Variants in SLC39A10 observed in about 807,000 individuals in gnomAD.
SLC39A10 encodes zinc transporter ZIP10.
In SLC39A10, 13 loss-of-function variants were observed where a neutral mutation model predicts 65.1. The observed-to-expected ratio is 0.20, with a 90% CI of 0.13 to 0.32. The LOEUF is 0.32. Among genes scored for constraint, SLC39A10 ranks in the 10% least tolerant of loss-of-function variants. The pLI, the probability that SLC39A10 is intolerant of heterozygous loss-of-function variation, is 1.00. For synonymous variants in SLC39A10, 321 were observed against 342.2 expected (o/e 0.94, Z 0.68); for missense variants, 831 against 1,018.4 (o/e 0.82, Z 2.50).
chr2:195,652,667 T>A (rs1443410248), upstream of SLC39A10, among the ~76,000 whole-genome samples: 2 of 83,598 alleles, frequency 2.4e-5, no homozygotes, highest in South Asian at 6.8e-4. Flanking sequence ...TAAATTGTGT[T>A]TCTTACCAGA....
rs1260951884 is a variant in SLC39A10, at chr2:195,736,667, A to G, written c.*1626A>G. ...CTGTATGCTATAAGCAAGGGAGCTT[A>G]GGTGTTATTTCTTTAATTTATGCTT... On this transcript the variant is annotated 3_prime_UTR_variant, in exon 10 of 10. Transcript: ENST00000359634. 1 of 151,780 alleles carries G rather than the reference A, an allele frequency of 6.6e-6. No individual in the cohort carries two copies. The highest frequency in any genetic ancestry group is 1.5e-5 in the Non-Finnish European group (1 of 67,800). The allele number at this position is 151,780 out of a possible 1,614,324, so 9.4% of individuals were successfully genotyped here. A position where few individuals can be genotyped will look rare whatever the true frequency, so the allele number is the denominator to read the frequency against.
upstream of SLC39A10, chr2:195,656,804 C>T (rs1017534215): frequency 2.6e-5 from 4 of 152,250 alleles, no homozygotes; most frequent in African/African-American, 7.2e-5. Context: ...TTCCATTACT[C>T]ATTCGCCTTG....
chr2:195,686,294 T>C (rs941933686), intron 3 of SLC39A10, among the ~76,000 whole-genome samples: 2 of 152,242 alleles, frequency 1.3e-5, no homozygotes, highest in Non-Finnish European at 2.9e-5. Flanking sequence ...TAAAGTCTTC[T>C]AGGCACCTAC....
chr2:195,619,145 T>C (rs566652579), intron 2 of SLC39A10, among the ~76,000 whole-genome samples: 1 of 147,932 alleles, frequency 6.8e-6, no homozygotes, highest in Non-Finnish European at 1.5e-5. Context: ...GAATAATGCA[T>C]TGAATGAGAG....
At chr2:195,703,206 GTATAA>G (rs1259483424) in intron 3 of SLC39A10, among the ~76,000 whole-genome samples, 1 of 152,178 alleles carries the variant, frequency 6.6e-6, no homozygotes, top group Non-Finnish European at 1.5e-5. Flanking sequence ...TTTTCTAGCA[GTATAA>G]TATGACAATA....
At chr2:195,619,225 A>G (rs1304027055) in intron 2 of SLC39A10, among the ~76,000 whole-genome samples, 1 of 152,016 alleles carries the variant, frequency 6.6e-6, no homozygotes, top group African/African-American at 2.4e-5. Flanking sequence ...GTAGTAGAGT[A>G]AAATAAAGGG....
intron 2 of SLC39A10, among the ~76,000 whole-genome samples, chr2:195,651,108 A>G (rs1689022244): frequency 6.6e-6 from 1 of 151,664 alleles, no homozygotes; most frequent in Non-Finnish European, 1.5e-5. Context: ...AGAAAGGAGT[A>G]TAAGGGGAGC....
Position 195,716,658 on chromosome 2 carries a change from C to G in SLC39A10, c.1718C>G (p.Ser573Cys). Residue 573 changes from serine (S) to cysteine (C), a missense_variant, in exon 7 of 10, where the codon TCT becomes TGT. Coordinates refer to ENST00000359634, the MANE Select transcript of SLC39A10 (RefSeq NM_020342.3). Reference protein sequence around the residue: ...PLAGTDDSVVSEDRLNETELT... With the variant: ...PLAGTDDSVVCEDRLNETELT... ...ACAGGAACTGATGACTCGGTTGTTT[C>G]TGAAGATCGACTTAATGAAACTGAA... 1 of 1,607,494 alleles carries G rather than the reference C, an allele frequency of 6.2e-7. No individual in the cohort carries two copies. Among genetic ancestry groups the G allele is most frequent in the Non-Finnish European group, 8.5e-7 (1 of 1,177,152 alleles).
In SLC39A10 at chr2:195,728,425, C is replaced by A; in HGVS notation, c.2337+76C>A. On this transcript the variant is annotated intron_variant, in intron 9 of 9. Transcript: ENST00000359634. This position sits in a 1 kb window ranked among gnomAD's most constrained non-coding sequence, Gnocchi z 4.4. Reference sequence around the variant, plus strand: ...TCCTTGGAAGTGGTTTGAAGCCAAACTATTTTTGAAAATATAACTCATTTT... The same window carrying A: ...TCCTTGGAAGTGGTTTGAAGCCAAAATATTTTTGAAAATATAACTCATTTT... The A allele has an allele frequency of 7.4e-7, 1 of 1,357,296 alleles. No individual in the cohort carries two copies. Among genetic ancestry groups the A allele is most frequent in the Non-Finnish European group, 1.0e-6 (1 of 989,228 alleles). The allele number at this position is 1,357,296 out of a possible 1,614,324, so 84.1% of individuals were successfully genotyped here.
intron 1 of SLC39A10, among the ~76,000 whole-genome samples, chr2:195,660,225 T>C (rs918545086): frequency 6.6e-6 from 1 of 152,184 alleles, no homozygotes; most frequent in South Asian, 2.1e-4. Flanking sequence ...TACCTCAGTA[T>C]TGGAAATGCC....
At chr2:195,663,488 A>G (rs1414046169) in intron 1 of SLC39A10, among the ~76,000 whole-genome samples, 2 of 152,220 alleles carry the variant, frequency 1.3e-5, no homozygotes, top group African/African-American at 2.4e-5. Context: ...AAATGAGATC[A>G]GTAAAACAAT....
chr2:195,671,366 G>A (rs1419458008), intron 1 of SLC39A10, among the ~76,000 whole-genome samples: 4 of 152,146 alleles, frequency 2.6e-5, no homozygotes, highest in African/African-American at 9.7e-5. Context: ...TTGTGGCACT[G>A]CTAGTTATTT....
chr2:195,617,620 G>A (rs1346943218), intron 2 of SLC39A10, among the ~76,000 whole-genome samples: 1 of 151,606 alleles, frequency 6.6e-6, no homozygotes, highest in Non-Finnish European at 1.5e-5. Flanking sequence ...CCTGTAAGTC[G>A]AGCACTTTGG....
At chr2:195,626,084 G>A (rs1028625391) in intron 2 of SLC39A10, among the ~76,000 whole-genome samples, 3 of 152,006 alleles carry the variant, frequency 2.0e-5, no homozygotes, top group African/African-American at 4.8e-5. Context: ...GTGCCTGGCC[G>A]GCCAAATTTT....
intron 3 of SLC39A10, among the ~76,000 whole-genome samples, chr2:195,698,051 G>A (rs954084879): frequency 9.3e-5 from 14 of 151,174 alleles, no homozygotes; most frequent in Non-Finnish European, 1.3e-4. Context: ...ACTGATTTTT[G>A]TGTTAACTTT....
chr2:195,695,812 TG>T (rs1438688129), intron 3 of SLC39A10, among the ~76,000 whole-genome samples: 1 of 152,234 alleles, frequency 6.6e-6, no homozygotes, highest in African/African-American at 2.4e-5. Context: ...TCTGTTTTTT[TG>T]TTTTTGCCTG....
In SLC39A10 at chr2:195,622,972, C is replaced by CAAA. The variant is rs11440347; in HGVS notation, c.-12+16759_-12+16761dup. On this transcript the variant is annotated intron_variant, in intron 2 of 2. Coordinates refer to the SLC39A10 transcript ENST00000458054. ...GGGTGACAGAGCGAGACTCCTGTCTCAAAAAAAAAAAAAAAAAAAAAAGAA... is the reference window on the plus strand; with the variant it reads ...GGGTGACAGAGCGAGACTCCTGTCTCAAAAAAAAAAAAAAAAAAAAAAAAAGAA... Among the ~76,000 whole-genome samples the CAAA allele has an allele frequency of 1.1e-3, 107 of 96,366 alleles. 1 individual carries two copies. Among genetic ancestry groups the CAAA allele is most frequent in the East Asian group, 1.8e-3 (7 of 3,810 alleles). The allele number at this position is 96,366 out of a possible 152,430, so 63.2% of individuals were successfully genotyped here.
At chr2:195,707,612 A>G (rs974640026) in intron 4 of SLC39A10, among the ~76,000 whole-genome samples, 9 of 151,512 alleles carry the variant, frequency 5.9e-5, no homozygotes, top group Non-Finnish European at 1.3e-4. Flanking sequence ...TTTAATAAAC[A>G]GGTTAATGAA....
chr2:195,632,047 C>T (rs1397352759), intron 2 of SLC39A10, among the ~76,000 whole-genome samples: 3 of 151,964 alleles, frequency 2.0e-5, no homozygotes, highest in Non-Finnish European at 4.4e-5. Flanking sequence ...TGCCACCATG[C>T]CTGGCCAATT....
Sources: gnomAD v4.1 joint callset for allele counts (sites outside exome capture counted in the v4.1 genomes callset) on GRCh38, gnomAD v4.1.1 for gene constraint, Gnocchi (gnomAD v3.1) non-coding constraint, MANE v1.5 for transcripts, NCBI Gene and HGNC (gene_info 2026-07-23, HGNC 2026-07-21) for gene names.